The following GMPS variants were observed in gnomAD, a reference collection of about 807,000 sequenced individuals.
GMPS encodes the protein GMP synthase [glutamine-hydrolyzing].
Under a neutral mutation model 77.9 loss-of-function variants are expected in GMPS, and 15 were observed. The observed-to-expected ratio is 0.19, with a 90% CI of 0.13 to 0.30. The LOEUF is 0.30. Ranked by LOEUF, GMPS falls within the 10% of genes least tolerant of loss-of-function variation. GMPS has a pLI of 1.00. For missense variants in GMPS, 590 were observed against 838.8 expected (o/e 0.70, Z 3.66); for synonymous variants, 224 against 275.9 (o/e 0.81, Z 1.86).
intron 7 of GMPS, 66 bp downstream of exon 7, chr3:155,911,345 G>A: frequency 2.1e-6 from 2 of 972,386 alleles, no homozygotes; most frequent in Non-Finnish European, 3.0e-6. Flanking sequence ...CTAGTCTTAT[G>A]GTTTAAATGA....
chr3:155,904,104 C>T (rs1754804378), intron 4 of GMPS, 144 bp downstream of exon 4: 1 of 494,974 alleles, frequency 2.0e-6, no homozygotes, highest in African/African-American at 2.0e-5. Context: ...TCATATTTGC[C>T]TTCCAGTTGA....
chr3:155,879,154 G>T lies in GMPS; in HGVS notation c.27+8257G>T, dbSNP rs112175287. 9.9e-5 allele frequency among the ~76,000 whole-genome samples: 15 copies of T among 151,986 alleles called. 1 individual carries two copies. The highest frequency in any genetic ancestry group is 3.6e-4 in the African/African-American group (15 of 41,440). ...CCAGTCTCTCCTGGAAACACCCTCAGAGACATACCCAGAAATAATCCTTTA... is the reference window on the plus strand; with the variant it reads ...CCAGTCTCTCCTGGAAACACCCTCATAGACATACCCAGAAATAATCCTTTA... On this transcript the variant is annotated intron_variant, in intron 1 of 15. Coordinates refer to ENST00000496455, the MANE Select transcript of GMPS (RefSeq NM_003875.3).
At chr3:155,935,186 C>T (rs1270316688) in intron 14 of GMPS, 140 bp downstream of exon 14, 3 of 689,958 alleles carry the variant, frequency 4.3e-6, no homozygotes, top group Non-Finnish European at 7.7e-6. Context: ...TATGATGTTG[C>T]TTTTTTTTCT....
At chr3:155,888,887 AT>A (rs1754401259) in intron 1 of GMPS, among the ~76,000 whole-genome samples, 1 of 151,110 alleles carries the variant, frequency 6.6e-6, no homozygotes, top group Non-Finnish European at 1.5e-5. Flanking sequence ...ACCTGGCCTA[AT>A]TTTTGTATTT....
intron 12 of GMPS, among the ~76,000 whole-genome samples, chr3:155,927,882 C>T (rs1442209837): frequency 6.6e-6 from 1 of 152,066 alleles, no homozygotes; most frequent in Non-Finnish European, 1.5e-5. Context: ...CCCTCATATT[C>T]TATGCATACC....
At chr3:155,935,994 C>T (rs996801614) in intron 14 of GMPS, among the ~76,000 whole-genome samples, 1 of 152,188 alleles carries the variant, frequency 6.6e-6, no homozygotes, top group Non-Finnish European at 1.5e-5. Context: ...GAACCTAACC[C>T]TCCATTTCCC....
intron 7 of GMPS, among the ~76,000 whole-genome samples, chr3:155,914,198 G>C (rs182679736): frequency 6.6e-6 from 1 of 151,886 alleles, no homozygotes; most frequent in African/African-American, 2.4e-5. Context: ...CACCTGTCTC[G>C]GCCTCCCAAA....
At chr3:155,903,316 A>G (rs1206414165) in intron 3 of GMPS, among the ~76,000 whole-genome samples, 1 of 152,226 alleles carries the variant, frequency 6.6e-6, no homozygotes, top group African/African-American at 2.4e-5. Flanking sequence ...CGATAAGCGT[A>G]TGGGACTTGA....
chr3:155,912,690 T>C (rs916942193), intron 7 of GMPS, among the ~76,000 whole-genome samples: 2 of 152,224 alleles, frequency 1.3e-5, no homozygotes, highest in African/African-American at 4.8e-5. Context: ...ATTCTGGTTC[T>C]TGAAGGAGTC....
chr3:155,872,154 T>C (rs1039599627), intron 1 of GMPS, among the ~76,000 whole-genome samples: 1 of 152,218 alleles, frequency 6.6e-6, no homozygotes, highest in Admixed American at 6.5e-5. Flanking sequence ...ATTTTAACAT[T>C]CTTTTTAAAA....
At position 155,919,302 on chromosome 3, in the gene GMPS, C is replaced by A; in HGVS notation, c.1282C>A (p.Leu428Ile). ...GAGAATTTTGGGCAGAGAACTTGGA[C>A]TTCCAGAAGAGTTAGTTTCCAGGCA... is the stretch of plus-strand genomic sequence containing the variant. ...EVRILGRELGLPEELVSRHPF... is the reference protein window; with the variant it reads ...EVRILGRELGIPEELVSRHPF... The change falls in exon 10 of 16, where the codon CTT (leucine) becomes ATT (isoleucine). Residue 428 changes from leucine (L) to isoleucine (I), a missense_variant. Leu to Ile is a conservative substitution (Grantham distance 5, BLOSUM62 2). Around this residue, in one of 6 missense-constraint regions of GMPS, gnomAD observed 64 missense variants for 114.5 expected, o/e 0.56. Transcript: ENST00000496455. 2 of 1,593,812 alleles carry A rather than the reference C, an allele frequency of 1.3e-6. No individual in the cohort carries two copies. The highest frequency in any genetic ancestry group is 1.7e-6 in the Non-Finnish European group (2 of 1,166,814).
chr3:155,920,734 A>T (rs898472749), intron 10 of GMPS, among the ~76,000 whole-genome samples: 1 of 152,188 alleles, frequency 6.6e-6, no homozygotes, highest in Non-Finnish European at 1.5e-5. Context: ...GTAAGACTTC[A>T]TTGGCAAAAA....
chr3:155,877,982 C>T (rs1754096907), intron 1 of GMPS, among the ~76,000 whole-genome samples: 1 of 152,034 alleles, frequency 6.6e-6, no homozygotes, highest in African/African-American at 2.4e-5. Context: ...CTATGTTGAC[C>T]AGGCTGGTCA....
chr3:155,873,045 C>A (rs1019007685), intron 1 of GMPS, among the ~76,000 whole-genome samples: 13 of 152,160 alleles, frequency 8.5e-5, no homozygotes, highest in African/African-American at 3.1e-4. Context: ...CACTGAACCA[C>A]CTTTCCCTTG....
At chr3:155,870,380 C>T (rs751199533), upstream of GMPS, among the ~76,000 whole-genome samples, 1 of 42,216 alleles carries the variant, frequency 2.4e-5, no homozygotes, top group Non-Finnish European at 3.9e-5. Flanking sequence ...ACAGGCCCCT[C>T]CTCCGGGGCG....
intron 3 of GMPS, among the ~76,000 whole-genome samples, chr3:155,901,319 A>T (rs1754732270): frequency 6.6e-6 from 1 of 152,128 alleles, no homozygotes; most frequent in South Asian, 2.1e-4. Flanking sequence ...TTTGAGATTC[A>T]TTCATGTTAG....
intron 12 of GMPS, among the ~76,000 whole-genome samples, 168 bp from the exon 13 acceptor site, chr3:155,931,597 A>G (rs1462914763): frequency 6.6e-6 from 1 of 151,614 alleles, no homozygotes; most frequent in African/African-American, 2.4e-5. Context: ...AGCATTTAGT[A>G]TATACTTTCA....
rs1473005549 is a variant in GMPS, at chr3:155,941,017, C to G, written c.*3325C>G. On this transcript the variant is annotated 3_prime_UTR_variant, in exon 16 of 16. Coordinates refer to ENST00000496455, the MANE Select transcript of GMPS (RefSeq NM_003875.3). ...GAAGTCACCCATCATCAATTACATA[C>G]AGCTAATTGTTGGGAGCTAGAGCTA... The G allele has an allele frequency of 1.0e-5, 2 of 198,708 alleles. No individual in the cohort carries two copies. The highest frequency in any genetic ancestry group is 1.2e-4 in the Admixed American group (2 of 16,548). 12.3% of individuals were successfully genotyped at this position (198,708 alleles called of 1,614,324 possible). A position where few individuals can be genotyped will look rare whatever the true frequency, so the allele number is the denominator to read the frequency against.
intron 12 of GMPS, among the ~76,000 whole-genome samples, chr3:155,930,519 TTAAAC>T (rs1264558230): frequency 6.6e-6 from 1 of 151,328 alleles, no homozygotes; most frequent in African/African-American, 2.4e-5. Context: ...TGGGATCTAA[TTAAAC>T]TAAAGAGCTT....
Sources: gnomAD v4.1 joint callset for allele counts (sites outside exome capture counted in the v4.1 genomes callset) on GRCh38, gnomAD v4.1.1 for gene constraint, gnomAD v4.1.1 regional missense constraint, MANE v1.5 for transcripts, NCBI Gene and HGNC (gene_info 2026-07-23, HGNC 2026-07-21) for gene names.